The following KNL1 variants were observed in gnomAD, a reference collection of about 807,000 sequenced individuals.
The protein encoded by KNL1 is kinetochore scaffold 1, also known as outer kinetochore KNL1 complex subunit KNL1.
KNL1 carries 66 observed loss-of-function variants against 201.3 expected under a neutral mutation model. The ratio of observed to expected loss-of-function variants is 0.33; its 90% CI spans 0.27 to 0.40. KNL1 has a LOEUF of 0.40. KNL1 is among the 10% of genes least tolerant of loss of function. KNL1 has a pLI of 1.00. For missense variants in KNL1, 2,815 were observed against 2,690.5 expected (o/e 1.05, Z -1.02); for synonymous variants, 895 against 899.2 (o/e 1.00, Z 0.08).
intron 9 of KNL1, among the ~76,000 whole-genome samples, chr15:40,620,361 A>C (rs954079743): frequency 1.3e-5 from 2 of 152,018 alleles, no homozygotes; most frequent in African/African-American, 4.8e-5. Context: ...GCCCGCCACC[A>C]TGCCTGGCTT....
chr15:40,646,964 A>T (rs1374134552), intron 16 of KNL1, 23 bp from the exon 17 acceptor site: 1 of 993,690 alleles, frequency 1.0e-6, no homozygotes, highest in Non-Finnish European at 1.6e-6. Flanking sequence ...TTAACTTGAC[A>T]GTCTATAATC....
chr15:40,603,189 A>C (rs75778674), intron 2 of KNL1, among the ~76,000 whole-genome samples: 1 of 152,080 alleles, frequency 6.6e-6, no homozygotes, highest in South Asian at 2.1e-4. Flanking sequence ...TGCTGCACCC[A>C]TCAACTCATT....
intron 13 of KNL1, among the ~76,000 whole-genome samples, chr15:40,638,633 G>A (rs1343025569): frequency 2.0e-5 from 3 of 147,942 alleles, no homozygotes; most frequent in East Asian, 2.0e-4. Flanking sequence ...CTGGGATTAC[G>A]GGTGCCCACC....
At position 40,663,711 on chromosome 15, in the gene KNL1, A is replaced by G. The variant is rs1026753258; in HGVS notation, c.*1523A>G. 3.6e-5 allele frequency: 7 copies of G among 193,618 alleles called. No individual in the cohort carries two copies. The highest frequency in any genetic ancestry group is 3.2e-5 in the Non-Finnish European group (3 of 92,912). 12.0% of individuals were successfully genotyped at this position (193,618 alleles called of 1,614,324 possible). ...TATTAAATGACCAATATTATGTATG[A>G]AGTAGACAAAAAAATTTACTCAAAC... On this transcript the variant is annotated 3_prime_UTR_variant, in exon 26 of 26. Transcript: ENST00000399668.
At position 40,623,624 on chromosome 15, in the gene KNL1, A is replaced by C; in HGVS notation, c.3360A>C (p.Ser1120=). 2 of 1,613,828 alleles carry C rather than the reference A, an allele frequency of 1.2e-6. No individual in the cohort carries two copies. Among genetic ancestry groups the C allele is most frequent in the Non-Finnish European group, 1.7e-6 (2 of 1,179,908 alleles). Residue 1120 remains serine (S), a synonymous_variant, in exon 10 of 26, where the codon TCA becomes TCC. Transcript: ENST00000399668. The part of the protein sequence containing the change: ...LAGASKTILY[S]CGQDDMEITR... ...GGGCTTCTAAAACTATTTTGTATTCATGTGGGCAGGATGACATGGAGATCA... is the reference window on the plus strand; with the variant it reads ...GGGCTTCTAAAACTATTTTGTATTCCTGTGGGCAGGATGACATGGAGATCA...
intron 10 of KNL1, among the ~76,000 whole-genome samples, chr15:40,626,551 TCTG>T (rs1277620718): frequency 9.2e-5 from 14 of 151,992 alleles, no homozygotes; most frequent in Admixed American, 9.2e-4. Flanking sequence ...CAGAGAAAAA[TCTG>T]CTGTCATGGA....
chr15:40,609,125 G>A (rs1325366222), intron 5 of KNL1, among the ~76,000 whole-genome samples: 1 of 151,814 alleles, frequency 6.6e-6, no homozygotes. Flanking sequence ...ATTGTACTAG[G>A]GGCCGGGTGT....
chr15:40,631,208 TC>T (rs545295066), intron 13 of KNL1, among the ~76,000 whole-genome samples: 103 of 152,268 alleles, frequency 6.8e-4, no homozygotes, highest in African/African-American at 2.3e-3. Context: ...TATCCCCTCT[TC>T]CTGGTCCTTG....
chr15:40,603,194 C>T (rs993112396), intron 2 of KNL1, among the ~76,000 whole-genome samples: 1 of 152,092 alleles, frequency 6.6e-6, no homozygotes, highest in African/African-American at 2.4e-5. Flanking sequence ...CACCCATCAA[C>T]TCATTTACAT....
intron 1 of KNL1, among the ~76,000 whole-genome samples, chr15:40,598,233 C>T (rs1488545671): frequency 6.6e-6 from 1 of 150,868 alleles, no homozygotes; most frequent in Non-Finnish European, 1.5e-5. Flanking sequence ...AAAAAATATG[C>T]GAGTTGGTGG....
chr15:40,643,442 G>T (rs1165867905), intron 14 of KNL1: 1 of 152,204 alleles, frequency 6.6e-6, no homozygotes, highest in Admixed American at 6.6e-5. Context: ...GGGATTACAG[G>T]CGTGAACCAC....
chr15:40,624,648 AAAG>A lies in KNL1; in HGVS notation c.4391_4393del (p.Glu1464del), dbSNP rs756747117. The A allele has an allele frequency of 1.1e-4, 182 of 1,613,948 alleles. 1 individual carries two copies. Among genetic ancestry groups the A allele is most frequent in the South Asian group, 8.6e-4 (78 of 91,076 alleles). On this transcript the variant is annotated inframe_deletion, in exon 10 of 26. Coordinates refer to ENST00000399668, the MANE Select transcript of KNL1 (RefSeq NM_144508.5). ...TAAAAAAGGACAGAGTAGTATCAAT[AAAG>A]AAGAAGTAATACTGTCTAAAGCTGG...
In KNL1 at chr15:40,621,888, G is replaced by A. The variant is rs373794111; in HGVS notation, c.1624G>A (p.Val542Ile). The change falls in exon 10 of 26, where the codon GTA (valine) becomes ATA (isoleucine). Residue 542 changes from valine (V) to isoleucine (I), a missense_variant. By Grantham distance (29) the Val-to-Ile change is conservative (BLOSUM62 3). Transcript: ENST00000399668. ...MNVNCNSVPHVSKERIQQSLS... is the reference protein window; with the variant it reads ...MNVNCNSVPHISKERIQQSLS... ...TGTAAATTGTAACTCAGTTCCTCAT[G>A]TATCTAAGGAAAGAATACAGCAGAG... 9.3e-6 allele frequency: 15 copies of A among 1,613,790 alleles called. No individual in the cohort carries two copies. The African/African-American group carries it at 1.7e-4, about 19-fold the overall frequency.
At chr15:40,657,557 A>AG in intron 24 of KNL1, 84 bp downstream of exon 24, 1 of 739,156 alleles carries the variant, frequency 1.4e-6, no homozygotes, top group Admixed American at 2.0e-5. Flanking sequence ...TGGAGGTCTG[A>AG]GATTAAGGTG....
chr15:40,617,288 A>T (rs1892372894), intron 8 of KNL1, among the ~76,000 whole-genome samples: 1 of 152,160 alleles, frequency 6.6e-6, no homozygotes, highest in Non-Finnish European at 1.5e-5. Flanking sequence ...ATCTAAAGTG[A>T]TCTTTCTACT....
rs1390583369 is a variant in KNL1, at chr15:40,650,553, A to G, written c.6182A>G (p.Gln2061Arg). Residue 2061 changes from glutamine (Q) to arginine (R), a missense_variant, in exon 19 of 26, where the codon CAG becomes CGG. This residue lies in a region of KNL1 where 334 missense variants were observed against 362.6 expected (regional missense o/e 0.92). Transcript: ENST00000399668. ...EMRAAEKELE[Q>R]LKTEEEELQR... ...TTTTCTGTTTCCAAAGAATTGGAAC[A>G]GCTGAAAACTGAAGAAGAGGAGCTT... is the stretch of plus-strand genomic sequence containing the variant. The G allele has an allele frequency of 2.6e-6, 4 of 1,560,632 alleles. No individual in the cohort carries two copies. Among genetic ancestry groups the G allele is most frequent in the East Asian group, 2.3e-5 (1 of 44,310 alleles).
At chr15:40,658,522 CATCTCAAAAAAAAAAAAAAAAA>C (rs1248119186) in intron 24 of KNL1, among the ~76,000 whole-genome samples, 1 of 63,452 alleles carries the variant, frequency 1.6e-5, no homozygotes, top group Non-Finnish European at 2.7e-5. Flanking sequence ...AGTGAGACTC[CATCTCAAAAAAAAAAAAAAAAA>C]AAGAGAGAAT....
At chr15:40,601,801 C>G (rs1011389251) in intron 1 of KNL1, among the ~76,000 whole-genome samples, 219 of 136,516 alleles carry the variant, frequency 1.6e-3, no homozygotes, top group African/African-American at 5.4e-3. Context: ...GCTCTCCAGC[C>G]TGGGCGACAG....
chr15:40,623,109 C>CA lies in KNL1; in HGVS notation c.2846dup (p.His949GlnfsTer3). ...CAAAACTGTAGTGTTTGTAGATAAT[C>CA]ATGTTGAACTAGAAATGACAGAGTC... is the stretch of plus-strand genomic sequence containing the variant. On this transcript the variant is annotated frameshift_variant, in exon 10 of 26. Coordinates refer to ENST00000399668, the MANE Select transcript of KNL1 (RefSeq NM_144508.5). LOFTEE classifies it high-confidence loss of function. 6.2e-7 allele frequency: 1 copy of CA among 1,613,756 alleles called. No homozygotes were observed. Among genetic ancestry groups the CA allele is most frequent in the East Asian group, 2.2e-5 (1 of 44,870 alleles).
Sources: gnomAD v4.1 joint callset for allele counts (sites outside exome capture counted in the v4.1 genomes callset) on GRCh38, gnomAD v4.1.1 for gene constraint, gnomAD v4.1.1 regional missense constraint, MANE v1.5 for transcripts, NCBI Gene and HGNC (gene_info 2026-07-23, HGNC 2026-07-21) for gene names.